ASCL3: variants seen among roughly 807,000 people sequenced by gnomAD.
ASCL3 encodes achaete-scute homolog 3.
ASCL3 carries 1 observed loss-of-function variant against 2.3 expected under a neutral mutation model. The observed-to-expected ratio is 0.44, with a 90% CI of 0.16 to 2.10. The LOEUF (loss-of-function observed/expected upper bound fraction) is 2.10. Ranked by LOEUF, ASCL3 falls within the 30% of genes most tolerant of loss-of-function variation. ASCL3 has a pLI of 0.28. For missense variants in ASCL3, 243 were observed against 229.0 expected (o/e 1.06, Z -0.40); for synonymous variants, 98 against 88.5 (o/e 1.11, Z -0.60).
chr11:8,939,270 G>A lies in ASCL3; in HGVS notation c.-12-1097C>T, dbSNP rs556196306. 9.9e-5 allele frequency among the ~76,000 whole-genome samples: 15 copies of A among 151,966 alleles called. 1 individual carries two copies. The highest frequency in any genetic ancestry group is 2.1e-4 in the South Asian group (1 of 4,806). ...TTTTCTTTTTTTGAGACAGAGTCTCGCGTTGTTGCCTGGGCTGGAGTGCAG... is the reference window on the plus strand; with the variant it reads ...TTTTCTTTTTTTGAGACAGAGTCTCACGTTGTTGCCTGGGCTGGAGTGCAG... On this transcript the variant is annotated intron_variant, in intron 1 of 1. Coordinates refer to ENST00000531618, the MANE Select transcript of ASCL3 (RefSeq NM_020646.3).
chr11:8,942,543 T>C (rs1403735296), intron 1 of ASCL3, among the ~76,000 whole-genome samples: 1 of 152,178 alleles, frequency 6.6e-6, no homozygotes, highest in Non-Finnish European at 1.5e-5. Context: ...GATGAGGTCT[T>C]AATGATAAAA....
At chr11:8,941,153 A>G (rs190791736) in intron 1 of ASCL3, among the ~76,000 whole-genome samples, 12 of 152,246 alleles carry the variant, frequency 7.9e-5, no homozygotes, top group African/African-American at 2.4e-4. Flanking sequence ...GCACTGATCT[A>G]TCCTAAACAC....
chr11:8,939,406 A>AT (rs762569977), intron 1 of ASCL3, among the ~76,000 whole-genome samples: 40 of 151,784 alleles, frequency 2.6e-4, no homozygotes, highest in Middle Eastern at 3.4e-3. Flanking sequence ...CGCCCAGCTA[A>AT]TTTTTTGTAT....
rs769670995 is a variant in ASCL3, at chr11:8,938,157, A to G, written c.5T>C (p.Met2Thr). The part of the protein sequence containing the change: M[M>T]DNRGNSSLPD... Reference sequence around the variant, plus strand: ...TAGACTAGAGTTGCCTCTGTTGTCCATCATTTCCTCTTTAACCTGCAAACA... The same window carrying G: ...TAGACTAGAGTTGCCTCTGTTGTCCGTCATTTCCTCTTTAACCTGCAAACA... The change falls in exon 2 of 2, where the codon ATG becomes ACG. Residue 2 changes from methionine (M) to threonine (T), a missense_variant. By Grantham distance (81) the Met-to-Thr change is moderately conservative. Transcript: ENST00000531618. 5.0e-6 allele frequency: 8 copies of G among 1,591,180 alleles called. No individual in the cohort carries two copies. The highest frequency in any genetic ancestry group is 4.0e-5 in the African/African-American group (3 of 74,158).
intron 1 of ASCL3, among the ~76,000 whole-genome samples, chr11:8,941,342 T>TACACACACACAC (rs34828031): frequency 6.8e-5 from 10 of 146,528 alleles, no homozygotes; most frequent in African/African-American, 2.5e-4. Flanking sequence ...CACACACACA[T>TACACACACACAC]ACACACACAC....
At chr11:8,941,811 T>C (rs1212924682) in intron 1 of ASCL3, among the ~76,000 whole-genome samples, 1 of 152,042 alleles carries the variant, frequency 6.6e-6, no homozygotes, top group Non-Finnish European at 1.5e-5. Context: ...AAAAAGTTAC[T>C]GAGAGAAACA....
intron 1 of ASCL3, among the ~76,000 whole-genome samples, chr11:8,939,376 A>T (rs966397157): frequency 6.6e-5 from 10 of 151,872 alleles, no homozygotes; most frequent in Non-Finnish European, 1.3e-4. Flanking sequence ...AGTAGCTGGG[A>T]TTACAGGTGC....
chr11:8,938,153 G>A lies in ASCL3; in HGVS notation c.9C>T (p.Asp3=), dbSNP rs1317147108. 1.9e-6 allele frequency: 3 copies of A among 1,595,136 alleles called. No individual in the cohort carries two copies. The highest frequency in any genetic ancestry group is 1.3e-5 in the African/African-American group (1 of 74,388). Residue 3 remains aspartate, a synonymous_variant, in exon 2 of 2, where the codon GAC becomes GAT. Transcript: ENST00000531618. ...CAGGTAGACTAGAGTTGCCTCTGTT[G>A]TCCATCATTTCCTCTTTAACCTGCA... MM[D]NRGNSSLPDK... is the part of the protein sequence containing the mutation.
chr11:8,938,833 G>A (rs565487286), intron 1 of ASCL3, among the ~76,000 whole-genome samples: 1 of 140,634 alleles, frequency 7.1e-6, no homozygotes, highest in Admixed American at 7.1e-5. Flanking sequence ...GAGACAGGGT[G>A]TGGCTCTGTC....
At chr11:8,942,341 CAAG>C (rs1438350647) in intron 1 of ASCL3, among the ~76,000 whole-genome samples, 1 of 152,014 alleles carries the variant, frequency 6.6e-6, no homozygotes, top group Non-Finnish European at 1.5e-5. Context: ...AATGCAGCAA[CAAG>C]GAGAATCAAG....
At chr11:8,942,749 C>T (rs1264369545) in intron 1 of ASCL3, among the ~76,000 whole-genome samples, 1 of 152,172 alleles carries the variant, frequency 6.6e-6, no homozygotes, top group Non-Finnish European at 1.5e-5. Context: ...AGTAGCAGAG[C>T]AGGGGCCAGA....
At chr11:8,942,066 C>T (rs576944627) in intron 1 of ASCL3, among the ~76,000 whole-genome samples, 3 of 152,082 alleles carry the variant, frequency 2.0e-5, no homozygotes, top group African/African-American at 2.4e-5. Flanking sequence ...CCCTAAAAGA[C>T]CATTTAAACA....
intron 1 of ASCL3, among the ~76,000 whole-genome samples, chr11:8,940,693 CCA>C (rs1853681891): frequency 6.6e-6 from 1 of 152,108 alleles, no homozygotes; most frequent in Admixed American, 6.5e-5. Flanking sequence ...TTGGTGAGCT[CCA>C]CATCTGTGTA....
chr11:8,938,624 T>C (rs1589939079), intron 1 of ASCL3, among the ~76,000 whole-genome samples: 1 of 152,102 alleles, frequency 6.6e-6, no homozygotes, highest in South Asian at 2.1e-4. Flanking sequence ...GATGGTGTTA[T>C]AATATTCTGT....
intron 1 of ASCL3, among the ~76,000 whole-genome samples, chr11:8,940,351 G>A (rs924469843): frequency 1.3e-5 from 2 of 152,062 alleles, no homozygotes; most frequent in East Asian, 1.9e-4. Flanking sequence ...CCACACCAAC[G>A]CATTTCTTCT....
chr11:8,942,822 C>A (rs1853721881), intron 1 of ASCL3, among the ~76,000 whole-genome samples, 164 bp downstream of exon 1: 2 of 152,148 alleles, frequency 1.3e-5, no homozygotes, highest in South Asian at 2.1e-4. Context: ...TAATTGCCAG[C>A]AAAACCTGGA....
At chr11:8,942,900 AG>A (rs1853722502) in intron 1 of ASCL3, among the ~76,000 whole-genome samples, 85 bp downstream of exon 1, 1 of 152,178 alleles carries the variant, frequency 6.6e-6, no homozygotes, top group African/African-American at 2.4e-5. Context: ...GACAAAATTC[AG>A]TATTTATCAA....
intron 1 of ASCL3, among the ~76,000 whole-genome samples, chr11:8,939,898 A>G (rs2134849505): frequency 6.6e-6 from 1 of 152,336 alleles, no homozygotes; most frequent in South Asian, 2.1e-4. Flanking sequence ...TAGTCAATAT[A>G]CAAGTTTTTA....
intron 1 of ASCL3, among the ~76,000 whole-genome samples, chr11:8,940,603 C>T (rs1330868747): frequency 6.6e-6 from 1 of 152,076 alleles, no homozygotes; most frequent in Non-Finnish European, 1.5e-5. Context: ...TTTCGCTTTC[C>T]CCATGTCCAA....
Sources: allele counts gnomAD v4.1 joint callset (sites outside exome capture counted in the v4.1 genomes callset), GRCh38; gene constraint gnomAD v4.1.1; transcripts MANE v1.5; gene names NCBI Gene and HGNC (gene_info 2026-07-23, HGNC 2026-07-21).